PPP1R13B: variants seen among roughly 807,000 people sequenced by gnomAD.
The protein encoded by PPP1R13B is apoptosis-stimulating of p53 protein 1.
Under a neutral mutation model 119.8 loss-of-function variants are expected in PPP1R13B, and 44 were observed. The ratio of observed to expected loss-of-function variants is 0.37; its 90% CI spans 0.29 to 0.47. The LOEUF is 0.47. PPP1R13B is among the 20% of genes least tolerant of loss of function. The probability of loss-of-function intolerance (pLI) is 0.99; values close to 1 mark genes in which losing one functional copy is unlikely to be tolerated. For synonymous variants in PPP1R13B, 542 were observed against 561.5 expected (o/e 0.97, Z 0.49); for missense variants, 1,227 against 1,413.5 (o/e 0.87, Z 2.12).
intron 7 of PPP1R13B, among the ~76,000 whole-genome samples, chr14:103,750,409 G>A (rs1186949430): frequency 6.6e-6 from 1 of 152,206 alleles, no homozygotes; most frequent in Non-Finnish European, 1.5e-5. Context: ...AATGAACTAG[G>A]ACAGAACAGA....
At chr14:103,837,178 C>T (rs555307725) in intron 1 of PPP1R13B, among the ~76,000 whole-genome samples, 90 of 152,160 alleles carry the variant, frequency 5.9e-4, no homozygotes, top group Non-Finnish European at 9.7e-4. Context: ...CTCAGGGTGA[C>T]GCTCATCAGG....
At chr14:103,847,674 G>A, upstream of PPP1R13B, 1 of 955,216 alleles carries the variant, frequency 1.0e-6, no homozygotes, top group Non-Finnish European at 1.2e-6. Context: ...TGGCCCGGTG[G>A]GAGCGGGGGC....
At position 103,828,866 on chromosome 14, in the gene PPP1R13B, T is replaced by C. The variant is rs76258592; in HGVS notation, c.9+18433A>G. 5.0e-3 allele frequency among the ~76,000 whole-genome samples: 759 copies of C among 152,296 alleles called. 4 individuals are homozygous for C. The highest frequency in any genetic ancestry group is 0.018 in the African/African-American group (728 of 41,540). On this transcript the variant is annotated intron_variant, in intron 1 of 16. Transcript: ENST00000202556. ...GACATTCAAAGAACCATACGAAGATTTGGTTGTTTCCAGCCATGCGTCTTC... is the reference window on the plus strand; with the variant it reads ...GACATTCAAAGAACCATACGAAGATCTGGTTGTTTCCAGCCATGCGTCTTC...
At chr14:103,770,988 A>C (rs1049910391) in intron 4 of PPP1R13B, among the ~76,000 whole-genome samples, 1 of 152,180 alleles carries the variant, frequency 6.6e-6, no homozygotes, top group Non-Finnish European at 1.5e-5. Context: ...TCCATTGTGG[A>C]GAGTCCAAGA....
At position 103,847,263 on chromosome 14, in the gene PPP1R13B, G is replaced by A. The variant is rs940106176; in HGVS notation, c.9+36C>T. On this transcript the variant is annotated intron_variant, in intron 1 of 16. Transcript: ENST00000202556. The stretch of plus-strand genomic sequence containing the variant: ...GGAGGTTTGGCCAGCGGCCCGCGGA[G>A]GAAGCCGCCGCCACCTCCCGCCCGC... 2.5e-6 allele frequency: 3 copies of A among 1,186,546 alleles called. No individual in the cohort carries two copies. The African/African-American group carries it at 4.9e-5, about 19-fold the overall frequency. The allele number at this position is 1,186,546 out of a possible 1,614,324, so 73.5% of individuals were successfully genotyped here. A position where few individuals can be genotyped will look rare whatever the true frequency, so the allele number is the denominator to read the frequency against.
Position 103,746,533 on chromosome 14 carries a change from C to T in PPP1R13B, c.990G>A (p.Thr330=), listed in dbSNP as rs376013196. 11 of 1,599,234 alleles carry T rather than the reference C, an allele frequency of 6.9e-6. No homozygotes were observed. Among genetic ancestry groups the T allele is most frequent in the South Asian group, 1.1e-5 (1 of 89,370 alleles). ...TGCTCAGAGGGGACTGTGGTGATGA[C>T]GTGCCATTCACACGGTTCAGCTACA... ...KKIQLNRVNG[T]SSPQSPLSTS... is the part of the protein sequence containing the mutation. Residue 330 remains threonine (T), a synonymous_variant, in exon 9 of 17, where the codon ACG becomes ACA. Coordinates refer to ENST00000202556, the MANE Select transcript of PPP1R13B (RefSeq NM_015316.3).
intron 5 of PPP1R13B, among the ~76,000 whole-genome samples, chr14:103,754,561 CAAAA>C (rs771794623): frequency 6.6e-4 from 27 of 41,016 alleles, no homozygotes; most frequent in South Asian, 1.3e-3. Context: ...GACTCAGTCT[CAAAA>C]AAAAAAAAAA....
chr14:103,772,448 C>G (rs1394850208), intron 4 of PPP1R13B, among the ~76,000 whole-genome samples: 1 of 152,228 alleles, frequency 6.6e-6, no homozygotes, highest in South Asian at 2.1e-4. Context: ...TACATTCCCA[C>G]AAGCAATACA....
At chr14:103,793,504 C>T (rs2085680038) in intron 2 of PPP1R13B, among the ~76,000 whole-genome samples, 1 of 152,156 alleles carries the variant, frequency 6.6e-6, no homozygotes, top group Non-Finnish European at 1.5e-5. Flanking sequence ...TTCCTGAGGC[C>T]TCCCCAGCCT....
chr14:103,821,420 C>T (rs1301645633), intron 1 of PPP1R13B, among the ~76,000 whole-genome samples: 1 of 152,066 alleles, frequency 6.6e-6, no homozygotes, highest in Non-Finnish European at 1.5e-5. Context: ...CAAAAGAGAC[C>T]CAAAATTGAC....
At chr14:103,817,915 T>TAA (rs946664654) in intron 1 of PPP1R13B, among the ~76,000 whole-genome samples, 1 of 145,478 alleles carries the variant, frequency 6.9e-6, no homozygotes, top group African/African-American at 2.5e-5. Flanking sequence ...TTATGAACAT[T>TAA]AAAAAAAAAA....
At chr14:103,739,699 C>T (rs746551938) in intron 12 of PPP1R13B, 125 bp downstream of exon 12, 70 of 1,196,342 alleles carry the variant, frequency 5.9e-5, no homozygotes, top group Middle Eastern at 2.9e-4. Context: ...CCCTACAAGA[C>T]GTAACTCAGG....
At chr14:103,736,241 T>C in intron 15 of PPP1R13B, 39 bp from the exon 16 acceptor site, 3 of 1,595,552 alleles carry the variant, frequency 1.9e-6, no homozygotes, top group Non-Finnish European at 8.6e-7. Flanking sequence ...CAGCAGAGGG[T>C]GGCCTGCAGC....
chr14:103,771,620 A>G (rs2152005419), intron 4 of PPP1R13B, among the ~76,000 whole-genome samples: 1 of 151,388 alleles, frequency 6.6e-6, no homozygotes, highest in African/African-American at 2.4e-5. Flanking sequence ...AGTTGGGATT[A>G]CAGGCGCCTG....
chr14:103,756,692 T>C (rs1429117069), intron 5 of PPP1R13B, among the ~76,000 whole-genome samples: 1 of 152,098 alleles, frequency 6.6e-6, no homozygotes, highest in Non-Finnish European at 1.5e-5. Flanking sequence ...TTAATACCAA[T>C]GACACAGCCA....
Position 103,749,891 on chromosome 14 carries a change from T to C in PPP1R13B, c.872A>G (p.Gln291Arg). 1 of 1,614,204 alleles carries C rather than the reference T, an allele frequency of 6.2e-7. No homozygotes were observed. The highest frequency in any genetic ancestry group is 8.5e-7 in the Non-Finnish European group (1 of 1,180,024). ...LNQEQNSKLQQQKELLNKRNM... is the reference protein window; with the variant it reads ...LNQEQNSKLQRQKELLNKRNM... ...GCGCTTATTTAAGAGTTCCTTCTGC[T>C]GCTGAAGTTTTGAATTTTGTTCCTG... is the stretch of plus-strand genomic sequence containing the variant. The change falls in exon 8 of 17, where the codon CAG becomes CGG. Residue 291 changes from glutamine to arginine, a missense_variant. Gln to Arg is a conservative substitution (Grantham distance 43). Transcript: ENST00000202556.
At chr14:103,739,211 T>C in intron 12 of PPP1R13B, 188 bp from the exon 13 acceptor site, 1 of 686,012 alleles carries the variant, frequency 1.5e-6, no homozygotes, top group Non-Finnish European at 2.4e-6. Context: ...CTCTGCTCAC[T>C]ACAAGGGAGA....
intron 1 of PPP1R13B, among the ~76,000 whole-genome samples, chr14:103,824,470 C>T (rs2086488986): frequency 2.6e-5 from 4 of 151,094 alleles, no homozygotes; most frequent in South Asian, 2.1e-4. Context: ...CTGAGGTGGG[C>T]GGATCACGAG....
chr14:103,782,252 C>T (rs2085355476), intron 3 of PPP1R13B, among the ~76,000 whole-genome samples: 1 of 152,156 alleles, frequency 6.6e-6, no homozygotes, highest in South Asian at 2.1e-4. Flanking sequence ...ACTAAGTGTG[C>T]ACATTCTTTT....
Sources: allele counts gnomAD v4.1 joint callset (sites outside exome capture counted in the v4.1 genomes callset), GRCh38; gene constraint gnomAD v4.1.1; transcripts MANE v1.5; gene names NCBI Gene and HGNC (gene_info 2026-07-23, HGNC 2026-07-21).